The following ALAS1 variants were observed in gnomAD, a reference collection of about 807,000 sequenced individuals.
ALAS1 encodes the protein 5'-aminolevulinate synthase 1.
A neutral mutation model predicts 59.6 loss-of-function variants in ALAS1; 29 were observed. That is an observed-to-expected ratio of 0.49 (90% confidence interval 0.36 to 0.66). The LOEUF is 0.66. Among genes scored for constraint, ALAS1 ranks in the 30% least tolerant of loss-of-function variants. The probability of loss-of-function intolerance (pLI) is 0.00; values close to 1 mark genes in which losing one functional copy is unlikely to be tolerated. For missense variants in ALAS1, 690 were observed against 807.5 expected (o/e 0.85, Z 1.76); for synonymous variants, 299 against 296.6 (o/e 1.01, Z -0.08).
intron 5 of ALAS1, 74 bp downstream of exon 5, chr3:52,204,086 T>A (rs956047370): frequency 3.9e-5 from 57 of 1,472,878 alleles, no homozygotes; most frequent in Non-Finnish European, 5.0e-5. Context: ...AAATATAAAA[T>A]TGCATGGTGA....
Position 52,214,150 on chromosome 3 carries a change from C to G in ALAS1, c.1893C>G (p.Gly631=), listed in dbSNP as rs1387533879. 6.2e-7 allele frequency: 1 copy of G among 1,612,828 alleles called. No individual in the cohort carries two copies. Among genetic ancestry groups the G allele is most frequent in the Non-Finnish European group, 8.5e-7 (1 of 1,178,878 alleles). The change falls in exon 12 of 12, where the codon GGC becomes GGG. Residue 631 remains glycine, a synonymous_variant. Transcript: ENST00000484952. The part of the protein sequence containing the change: ...MSEREKSYFS[G]LSKLVSAQA ...AAAGAGAGAAGTCCTATTTCTCAGGCTTGAGCAAGTTGGTATCTGCTCAGG... is the reference window on the plus strand; with the variant it reads ...AAAGAGAGAAGTCCTATTTCTCAGGGTTGAGCAAGTTGGTATCTGCTCAGG...
In ALAS1 at chr3:52,214,128, G is replaced by C; in HGVS notation, c.1871G>C (p.Arg624Thr). The C allele has an allele frequency of 6.2e-7, 1 of 1,613,850 alleles. No homozygotes were observed. The highest frequency in any genetic ancestry group is 8.5e-7 in the Non-Finnish European group (1 of 1,179,700). The change falls in exon 12 of 12, where the codon AGA becomes ACA. Residue 624 changes from arginine (R) to threonine (T), a missense_variant. By Grantham distance (71) the Arg-to-Thr change is moderately conservative. Transcript: ENST00000484952. The part of the protein sequence containing the change: ...RPLHFEVMSE[R>T]EKSYFSGLSK... ...CTGCATTTTGAAGTGATGAGTGAAA[G>C]AGAGAAGTCCTATTTCTCAGGCTTG...
intron 1 of ALAS1, 148 bp from the exon 2 acceptor site, chr3:52,198,524 C>G: frequency 2.1e-6 from 1 of 485,070 alleles, no homozygotes; most frequent in South Asian, 3.7e-5. Flanking sequence ...ACCTCGACCG[C>G]GGGTCACCTC....
Sources: allele counts gnomAD v4.1 joint callset, GRCh38; gene constraint gnomAD v4.1.1; transcripts MANE v1.5; gene names NCBI Gene and HGNC (gene_info 2026-07-23, HGNC 2026-07-21).